Variants in PRKCH observed in about 807,000 individuals in gnomAD.
The protein encoded by PRKCH is protein kinase C eta type.
A neutral mutation model predicts 82.5 loss-of-function variants in PRKCH; 28 were observed. The ratio of observed to expected loss-of-function variants is 0.34; its 90% CI spans 0.25 to 0.47. The LOEUF (loss-of-function observed/expected upper bound fraction) is 0.47, where lower values mean the gene tolerates loss of function less well. PRKCH is among the 20% of genes least tolerant of loss of function. The pLI is 1.00. For missense variants in PRKCH, 705 were observed against 881.8 expected (o/e 0.80, Z 2.54); for synonymous variants, 322 against 327.4 (o/e 0.98, Z 0.18).
chr14:61,527,429 A>T (rs1422551763), intron 10 of PRKCH, among the ~76,000 whole-genome samples: 1 of 152,188 alleles, frequency 6.6e-6, no homozygotes, highest in Non-Finnish European at 1.5e-5. Flanking sequence ...GTCTATCTCT[A>T]AGTGATTATC....
rs541823366 is a variant in PRKCH at position 61,313,895 on chromosome 14, G to C, written c.-19+126227G>C. On this transcript the variant is annotated intron_variant, in intron 1 of 3. Coordinates refer to the PRKCH transcript ENST00000555185. ...ACGTGGGAATTCAAGATGAGATTTGGGTGGGGACACAGCCAAACCACATCA... is the reference window on the plus strand; with the variant it reads ...ACGTGGGAATTCAAGATGAGATTTGCGTGGGGACACAGCCAAACCACATCA... Among the ~76,000 whole-genome samples, 4 of 152,286 alleles carry C rather than the reference G, an allele frequency of 2.6e-5. No individual in the cohort carries two copies. The South Asian group carries it at 8.3e-4, about 32-fold the overall frequency.
chr14:61,517,319 C>T (rs1270192446), intron 10 of PRKCH, among the ~76,000 whole-genome samples: 4 of 151,680 alleles, frequency 2.6e-5, no homozygotes, highest in Admixed American at 6.5e-5. Context: ...TTTCCCAAGT[C>T]GAAGAAAAGT....
In PRKCH at chr14:61,457,276, A is replaced by G. The variant is rs759215237; in HGVS notation, c.1061A>G (p.Asn354Ser). ...VNSSNRLGID[N>S]FEFIRVLGKG... is the part of the protein sequence containing the mutation. ...TCTTCCAACCGACTTGGTATCGACAACTTTGAGTTCATCCGAGTGTTGGGG... is the reference window on the plus strand; with the variant it reads ...TCTTCCAACCGACTTGGTATCGACAGCTTTGAGTTCATCCGAGTGTTGGGG... The change falls in exon 8 of 14, where the codon AAC becomes AGC. Residue 354 changes from asparagine (N) to serine (S), a missense_variant. By Grantham distance (46) the Asn-to-Ser change is conservative (BLOSUM62 1). Coordinates refer to ENST00000332981, the MANE Select transcript of PRKCH (RefSeq NM_006255.5). 4.3e-6 allele frequency: 7 copies of G among 1,614,192 alleles called. No individual in the cohort carries two copies. The South Asian group carries it at 6.6e-5, about 15-fold the overall frequency.
intron 9 of PRKCH, among the ~76,000 whole-genome samples, chr14:61,481,136 C>T (rs1296287779): frequency 6.6e-6 from 1 of 152,200 alleles, no homozygotes; most frequent in East Asian, 1.9e-4. Context: ...TGTCCATGAG[C>T]TTACTGAGAG....
chr14:61,207,189 A>G (rs2044533663), intron 1 of PRKCH, among the ~76,000 whole-genome samples: 1 of 132,928 alleles, frequency 7.5e-6, no homozygotes, highest in African/African-American at 2.8e-5. Context: ...CTGGGGTAGC[A>G]CTACCTGCCC....
At chr14:61,217,654 T>A (rs2044625003) in intron 1 of PRKCH, among the ~76,000 whole-genome samples, 1 of 152,134 alleles carries the variant, frequency 6.6e-6, no homozygotes, top group Admixed American at 6.5e-5. Context: ...CTAATGGGAA[T>A]GCCACCAGAA....
chr14:61,391,560 G>A (rs2140202387), intron 2 of PRKCH, among the ~76,000 whole-genome samples: 1 of 151,960 alleles, frequency 6.6e-6, no homozygotes, highest in East Asian at 1.9e-4. Flanking sequence ...GTAGCTGAAT[G>A]GTTTTTGCGT....
intron 2 of PRKCH, among the ~76,000 whole-genome samples, chr14:61,440,411 C>T (rs1307183031): frequency 6.6e-6 from 1 of 152,178 alleles, no homozygotes; most frequent in African/African-American, 2.4e-5. Context: ...AAGATTACAC[C>T]TACCTCCAAA....
chr14:61,457,695 A>G lies in PRKCH; in HGVS notation c.1278+16A>G, dbSNP rs765271942. The G allele has an allele frequency of 5.6e-6, 9 of 1,612,538 alleles. No homozygotes were observed. Among genetic ancestry groups the G allele is most frequent in the African/African-American group, 1.3e-5 (1 of 74,888 alleles). ...TCAGACCCCCGTAAGTATGAATCAC[A>G]TTCACTGCACCAACAGCCTCTTTTC... On this transcript the variant is annotated intron_variant, in intron 9 of 13. Coordinates refer to ENST00000332981, the MANE Select transcript of PRKCH (RefSeq NM_006255.5).
intron 1 of PRKCH, among the ~76,000 whole-genome samples, chr14:61,220,957 A>C (rs770141809): frequency 1.3e-5 from 2 of 152,214 alleles, no homozygotes; most frequent in Non-Finnish European, 2.9e-5. Flanking sequence ...TTGGCAGAAT[A>C]ATGTCACTGT....
intron 1 of PRKCH, among the ~76,000 whole-genome samples, chr14:61,380,705 C>T (rs1020817975): frequency 6.6e-5 from 10 of 152,264 alleles, no homozygotes; most frequent in East Asian, 1.9e-4. Flanking sequence ...TTTACATTTT[C>T]GATTCTTCAG....
chr14:61,203,291 G>A (rs1036935727), intron 1 of PRKCH, among the ~76,000 whole-genome samples: 1 of 152,120 alleles, frequency 6.6e-6, no homozygotes, highest in Non-Finnish European at 1.5e-5. Flanking sequence ...TAAACCAGAA[G>A]CTAAAGAGTG....
intron 2 of PRKCH, among the ~76,000 whole-genome samples, chr14:61,405,478 A>G (rs1429186980): frequency 6.6e-6 from 1 of 152,068 alleles, no homozygotes; most frequent in Non-Finnish European, 1.5e-5. Context: ...CCCGGGTTCA[A>G]GCGATTCTGC....
At position 61,249,586 on chromosome 14, in the gene PRKCH, A is replaced by G. The variant is rs574315876; in HGVS notation, c.-19+61918A>G. Among the ~76,000 whole-genome samples the G allele has an allele frequency of 3.6e-3, 540 of 150,886 alleles. 2 individuals are homozygous for G. The highest frequency in any genetic ancestry group is 0.012 in the African/African-American group (512 of 41,096). On this transcript the variant is annotated intron_variant, in intron 1 of 3. Transcript: ENST00000555185. Reference sequence around the variant, plus strand: ...AAGACCATGATAAACAGGTATAGAGATTACCATTTGCTCCACCAATGGCAA... The same window carrying G: ...AAGACCATGATAAACAGGTATAGAGGTTACCATTTGCTCCACCAATGGCAA...
rs997198175 is a variant in PRKCH at position 61,284,523 on chromosome 14, T to C, written c.-19+96855T>C. Reference sequence around the variant, plus strand: ...GGAGGTGAAGCTGTACCAAGGTCCATGTATACACTATATTTCCCCTACCAG... The same window carrying C: ...GGAGGTGAAGCTGTACCAAGGTCCACGTATACACTATATTTCCCCTACCAG... On this transcript the variant is annotated intron_variant, in intron 1 of 3. Transcript: ENST00000555185. 2.2e-4 allele frequency among the ~76,000 whole-genome samples: 33 copies of C among 152,326 alleles called. 1 individual carries two copies. Among genetic ancestry groups the C allele is most frequent in the African/African-American group, 6.7e-4 (28 of 41,566 alleles).
At chr14:61,372,361 G>A (rs144668252) in intron 1 of PRKCH, among the ~76,000 whole-genome samples, 26 of 152,182 alleles carry the variant, frequency 1.7e-4, no homozygotes, top group South Asian at 1.2e-3. Context: ...ATTTCTATAT[G>A]TATCCATCTG....
intron 1 of PRKCH, among the ~76,000 whole-genome samples, chr14:61,373,527 C>CA (rs1428490218): frequency 6.6e-6 from 1 of 151,928 alleles, no homozygotes; most frequent in East Asian, 1.9e-4. Flanking sequence ...CATATCATTC[C>CA]GCCCCTGGCC....
At chr14:61,485,728 C>A in intron 10 of PRKCH, 72 bp downstream of exon 10, 2 of 1,500,984 alleles carry the variant, frequency 1.3e-6, no homozygotes, top group African/African-American at 1.4e-5. Flanking sequence ...CATCCTTCCA[C>A]TTCTCATGAT....
intron 1 of PRKCH, among the ~76,000 whole-genome samples, chr14:61,205,174 C>A (rs17098123): frequency 0.35 from 53,937 of 152,036 alleles, 10,358 homozygotes; most frequent in African/African-American, 0.49. Flanking sequence ...GCAACTCGTC[C>A]GTGAGCCTGG....
Sources: allele counts gnomAD v4.1 joint callset (sites outside exome capture counted in the v4.1 genomes callset), GRCh38; gene constraint gnomAD v4.1.1; transcripts MANE v1.5; gene names NCBI Gene and HGNC (gene_info 2026-07-23, HGNC 2026-07-21).